The following APBA2 variants were observed in gnomAD, a reference collection of about 807,000 sequenced individuals.
APBA2 encodes the protein amyloid beta precursor protein binding family A member 2.
A neutral mutation model predicts 75.0 loss-of-function variants in APBA2; 30 were observed. The observed-to-expected ratio is 0.40, with a 90% CI of 0.30 to 0.54. APBA2 has a LOEUF of 0.54. Among genes scored for constraint, APBA2 ranks in the 20% least tolerant of loss-of-function variants. APBA2 has a pLI of 0.49. For synonymous variants in APBA2, 444 were observed against 409.6 expected (o/e 1.08, Z -1.01); for missense variants, 801 against 1,016.1 (o/e 0.79, Z 2.88).
In APBA2 at chr15:29,046,764, C is replaced by T. The variant is rs1260239842; in HGVS notation, c.-40-7081C>T. Among the ~76,000 whole-genome samples, 1 of 152,300 alleles carries T rather than the reference C, an allele frequency of 6.6e-6. No individual in the cohort carries two copies. Among genetic ancestry groups the T allele is most frequent in the Middle Eastern group, 3.4e-3 (1 of 294 alleles). ...GTGACTCTTGGCTTTTCACAAGGAC[C>T]TCTCCCTGCTTTCCTCAGTCCCTCC... On this transcript the variant is annotated intron_variant, in intron 3 of 14. Transcript: ENST00000683413. The surrounding 1 kb of genome is among the most constrained non-coding windows in gnomAD (Gnocchi z 5.0).
intron 2 of APBA2, among the ~76,000 whole-genome samples, chr15:28,964,002 T>G (rs2036608756): frequency 1.3e-5 from 2 of 152,364 alleles, no homozygotes; most frequent in East Asian, 1.9e-4. Context: ...TGCCTCATGC[T>G]ACCCCATTGT....
chr15:29,059,108 G>GGAA (rs2042025462), intron 4 of APBA2, among the ~76,000 whole-genome samples: 1 of 152,194 alleles, frequency 6.6e-6, no homozygotes, highest in Non-Finnish European at 1.5e-5. Context: ...CAACTCTCAC[G>GGAA]TTCCCAGCTG....
chr15:28,979,322 A>G (rs563392360), intron 2 of APBA2, among the ~76,000 whole-genome samples: 2 of 151,152 alleles, frequency 1.3e-5, no homozygotes, highest in African/African-American at 4.9e-5. Flanking sequence ...GTCCCGGTCC[A>G]CTCCTGTCAT....
At chr15:28,992,068 C>A (rs886384719) in intron 2 of APBA2, among the ~76,000 whole-genome samples, 3 of 152,170 alleles carry the variant, frequency 2.0e-5, no homozygotes, top group Admixed American at 2.0e-4. Context: ...TAAGAAAATG[C>A]TTAGGGAGAT....
chr15:29,066,880 C>A (rs1266438994), intron 4 of APBA2, among the ~76,000 whole-genome samples: 3 of 152,090 alleles, frequency 2.0e-5, no homozygotes, highest in Non-Finnish European at 4.4e-5. Context: ...AAAGAAATAC[C>A]TGGGGCTGGG....
chr15:29,111,584 G>A (rs1301931577), intron 13 of APBA2, among the ~76,000 whole-genome samples: 1 of 152,162 alleles, frequency 6.6e-6, no homozygotes, highest in African/African-American at 2.4e-5. Flanking sequence ...TCGGCTGCCT[G>A]GCGGTAAACA....
At chr15:29,037,739 G>A (rs1451527331) in intron 3 of APBA2, among the ~76,000 whole-genome samples, 2 of 152,178 alleles carry the variant, frequency 1.3e-5, no homozygotes, top group African/African-American at 2.4e-5. Context: ...AAGTTCTGGA[G>A]GTTGGGAAGT....
At chr15:29,009,827 G>A (rs2039309827) in intron 3 of APBA2, among the ~76,000 whole-genome samples, 1 of 152,114 alleles carries the variant, frequency 6.6e-6, no homozygotes, top group Admixed American at 6.6e-5. Context: ...ATGGACATTT[G>A]CATCTTTTCT....
At chr15:28,928,142 T>TAA (rs71132859) in intron 2 of APBA2, among the ~76,000 whole-genome samples, 10,922 of 131,284 alleles carry the variant, frequency 0.083, 1,565 homozygotes, top group African/African-American at 0.3. Flanking sequence ...AGACTCCATC[T>TAA]AAAAAAAAAA....
At chr15:29,027,280 C>T (rs2040269693) in intron 3 of APBA2, among the ~76,000 whole-genome samples, 1 of 152,000 alleles carries the variant, frequency 6.6e-6, no homozygotes, top group South Asian at 2.1e-4. Context: ...CTCGGTCTGG[C>T]CTTTATTAGG....
At chr15:29,072,244 C>G (rs2042656185) in intron 4 of APBA2, among the ~76,000 whole-genome samples, 1 of 152,130 alleles carries the variant, frequency 6.6e-6, no homozygotes, top group African/African-American at 2.4e-5. Context: ...TGTCCAGCAA[C>G]TAGTAAGGCA....
chr15:28,885,983 G>A lies in APBA2; in HGVS notation c.-500G>A, dbSNP rs1475940668. 6.6e-6 allele frequency: 1 copy of A among 151,130 alleles called. No individual in the cohort carries two copies. Among genetic ancestry groups the A allele is most frequent in the Non-Finnish European group, 1.5e-5 (1 of 67,778 alleles). The allele number at this position is 151,130 out of a possible 1,614,324, so 9.4% of individuals were successfully genotyped here. Reference sequence around the variant, plus strand: ...ATCGTTTTCCGGCCCCAGTGTGCCCGGCGCGGGTGAGGCGGAAGCGGCCGG... The same window carrying A: ...ATCGTTTTCCGGCCCCAGTGTGCCCAGCGCGGGTGAGGCGGAAGCGGCCGG... On this transcript the variant is annotated 5_prime_UTR_variant, in exon 1 of 15. Transcript: ENST00000683413.
At chr15:29,003,933 G>C (rs2038980585) in intron 3 of APBA2, among the ~76,000 whole-genome samples, 1 of 152,236 alleles carries the variant, frequency 6.6e-6, no homozygotes, top group Non-Finnish European at 1.5e-5. Context: ...GTCTGGAAGA[G>C]TGGCTGATTG....
intron 7 of APBA2, among the ~76,000 whole-genome samples, chr15:29,093,848 T>G (rs939444918): frequency 1.1e-4 from 16 of 151,994 alleles, no homozygotes; most frequent in Middle Eastern, 3.4e-3. Flanking sequence ...ATACACAACC[T>G]CCTCTAACAG....
intron 1 of APBA2, among the ~76,000 whole-genome samples, chr15:28,908,212 C>T (rs1316228009): frequency 6.6e-6 from 1 of 152,186 alleles, no homozygotes; most frequent in African/African-American, 2.4e-5. Context: ...GGCCATCTTC[C>T]CTGACTCCTG....
At chr15:28,913,368 C>T (rs865834015) in intron 1 of APBA2, among the ~76,000 whole-genome samples, 2 of 152,210 alleles carry the variant, frequency 1.3e-5, no homozygotes, top group African/African-American at 4.8e-5. Context: ...AGCAGTGGCC[C>T]GTGCCCACCA....
intron 3 of APBA2, among the ~76,000 whole-genome samples, chr15:29,029,382 C>T (rs955203328): frequency 6.6e-6 from 1 of 151,112 alleles, no homozygotes; most frequent in African/African-American, 2.4e-5. Context: ...CTAATGAGTA[C>T]TAATTTGGCC....
At chr15:29,090,582 C>T (rs943345856) in intron 6 of APBA2, among the ~76,000 whole-genome samples, 6 of 152,192 alleles carry the variant, frequency 3.9e-5, no homozygotes, top group African/African-American at 1.4e-4. Context: ...GCCAGGCAGC[C>T]CCTGCCACAG....
chr15:28,969,221 G>T (rs932774081), intron 2 of APBA2, among the ~76,000 whole-genome samples: 3 of 138,490 alleles, frequency 2.2e-5, no homozygotes, highest in African/African-American at 7.8e-5. Flanking sequence ...TCTCTCTGCC[G>T]GCCAGGCTGG....
Sources: gnomAD v4.1 joint callset for allele counts (sites outside exome capture counted in the v4.1 genomes callset) on GRCh38, gnomAD v4.1.1 for gene constraint, Gnocchi (gnomAD v3.1) non-coding constraint, MANE v1.5 for transcripts, NCBI Gene and HGNC (gene_info 2026-07-23, HGNC 2026-07-21) for gene names.